Variants in DIP2A observed in about 807,000 individuals in gnomAD.
DIP2A encodes disco-interacting protein 2 homolog A.
DIP2A carries 85 observed loss-of-function variants against 177.4 expected under a neutral mutation model. That is an observed-to-expected ratio of 0.48 (90% CI 0.40 to 0.57). The LOEUF is 0.57. Among genes scored for constraint, DIP2A ranks in the 20% least tolerant of loss-of-function variants. The pLI, the probability that DIP2A is intolerant of heterozygous loss-of-function variation, is 0.00. For missense variants in DIP2A, 1,791 were observed against 2,100.2 expected, an observed-to-expected ratio of 0.85 and a Z score of 2.88; for synonymous variants, 886 against 881.8, an observed-to-expected ratio of 1.00 and a Z score of -0.08.
chr21:46,564,773 C>T (rs1254925163), intron 35 of DIP2A, among the ~76,000 whole-genome samples: 1 of 152,324 alleles, frequency 6.6e-6, no homozygotes, highest in East Asian at 1.9e-4. Context: ...AGGGTGTGAG[C>T]GTGCGGGCCC....
rs2060509304 is a variant in DIP2A at position 46,557,496 on chromosome 21, G to A, written c.3630-89G>A. 2.1e-6 allele frequency: 3 copies of A among 1,431,878 alleles called. No individual in the cohort carries two copies. Among genetic ancestry groups the A allele is most frequent in the East Asian group, 2.5e-5 (1 of 40,722 alleles). The allele number at this position is 1,431,878 out of a possible 1,614,324, so 88.7% of individuals were successfully genotyped here. A position where few individuals can be genotyped will look rare whatever the true frequency, so the allele number is the denominator to read the frequency against. On this transcript the variant is annotated intron_variant, in intron 30 of 37. Transcript: ENST00000417564. The surrounding 1 kb of genome is among the most constrained non-coding windows in gnomAD (Gnocchi z 6.0). ...CAGAAATCATGCCCCTGTTGTGGCT[G>A]GAAAAGAAGTGTTCTTGAGGAAGGG...
chr21:46,560,971 GGAA>G, intron 33 of DIP2A, 188 bp downstream of exon 33: 1 of 985,378 alleles, frequency 1.0e-6, no homozygotes, highest in Non-Finnish European at 1.2e-6. Flanking sequence ...TGCACCAAGA[GGAA>G]GAGGAGAGCT....
In DIP2A at chr21:46,524,872, C is replaced by CTTTTTTTTTTTTTTTTTTTTTT. The variant is rs3061062; in HGVS notation, c.1103-4209_1103-4188dup. ...TTTCTTTTATGATTTTTGCTTTTTGCTTTTTTTTTTTTTTTTTTTTTTTTT... is the reference window on the plus strand; with the variant it reads ...TTTCTTTTATGATTTTTGCTTTTTGCTTTTTTTTTTTTTTTTTTTTTTTTTTTTTTTTTTTTTTTTTTTTTTT... On this transcript the variant is annotated intron_variant, in intron 8 of 37. Coordinates refer to ENST00000417564, the MANE Select transcript of DIP2A (RefSeq NM_015151.4). Among the ~76,000 whole-genome samples, 10 of 63,398 alleles carry CTTTTTTTTTTTTTTTTTTTTTT rather than the reference C, an allele frequency of 1.6e-4. 3 individuals carry two copies. The highest frequency in any genetic ancestry group is 3.8e-4 in the Admixed American group (2 of 5,220). 41.6% of individuals were successfully genotyped at this position (63,398 alleles called of 152,430 possible).
At chr21:46,499,823 G>A (rs1568978892) in intron 5 of DIP2A, among the ~76,000 whole-genome samples, 1 of 151,960 alleles carries the variant, frequency 6.6e-6, no homozygotes, top group Non-Finnish European at 1.5e-5. Flanking sequence ...GAGGAAGGAA[G>A]AAAAAAAAGT....
rs2056968667 is a variant in DIP2A at position 46,490,772 on chromosome 21, A to G, written c.283+53A>G. 2.7e-6 allele frequency: 4 copies of G among 1,491,706 alleles called. No individual in the cohort carries two copies. The South Asian group carries it at 3.9e-5, about 15-fold the overall frequency. The allele number at this position is 1,491,706 out of a possible 1,614,324, so 92.4% of individuals were successfully genotyped here. On this transcript the variant is annotated intron_variant, in intron 3 of 37. Transcript: ENST00000417564. The stretch of plus-strand genomic sequence containing the variant: ...AGGTGGACGGGCCTGGAGCCCTTGG[A>G]CTCTTGCCATGAAGTCTTCCAGTTA...
chr21:46,545,342 CTGGGT>C (rs1354870705), intron 19 of DIP2A, 69 bp downstream of exon 19: 1 of 1,531,832 alleles, frequency 6.5e-7, no homozygotes, highest in Non-Finnish European at 8.9e-7. Flanking sequence ...CCCAGGTGTG[CTGGGT>C]GCTGGGGGAT....
At chr21:46,485,888 T>C (rs898068357) in intron 2 of DIP2A, among the ~76,000 whole-genome samples, 3 of 151,498 alleles carry the variant, frequency 2.0e-5, no homozygotes, top group Non-Finnish European at 4.4e-5. Flanking sequence ...CTGGCCAACA[T>C]AGGGAAGCCT....
chr21:46,508,357 T>A (rs2058126003), intron 6 of DIP2A, among the ~76,000 whole-genome samples: 1 of 141,988 alleles, frequency 7.0e-6, no homozygotes, highest in Non-Finnish European at 1.5e-5. Flanking sequence ...CAATGACTTT[T>A]TTTTTTTTTT....
chr21:46,499,649 G>A (rs571331915), intron 5 of DIP2A, among the ~76,000 whole-genome samples: 16 of 152,302 alleles, frequency 1.1e-4, no homozygotes, highest in African/African-American at 3.4e-4. Context: ...TGAAAAAAGT[G>A]TAAACCTTTC....
Position 46,539,737 on chromosome 21 carries a change from T to C in DIP2A, c.1922-140T>C, listed in dbSNP as rs759180657. 2.1e-5 allele frequency: 15 copies of C among 731,026 alleles called. No homozygotes were observed. In the East Asian group the frequency reaches 3.6e-4, roughly 18 times the overall value. 45.3% of individuals were successfully genotyped at this position (731,026 alleles called of 1,614,324 possible). ...AGAACATGAAGTCTGAGGGTACCTG[T>C]GAAGGGGCCCCTTCCTTCTGCTGAT... is the stretch of plus-strand genomic sequence containing the variant. On this transcript the variant is annotated intron_variant, in intron 16 of 37. Coordinates refer to ENST00000417564, the MANE Select transcript of DIP2A (RefSeq NM_015151.4).
Position 46,490,684 on chromosome 21 carries a change from G to C in DIP2A, c.248G>C (p.Arg83Pro). The C allele has an allele frequency of 1.3e-6, 2 of 1,588,362 alleles. No individual in the cohort carries two copies. The highest frequency in any genetic ancestry group is 1.7e-6 in the Non-Finnish European group (2 of 1,167,404). ...TAAAPKQQKSRPTASRDERFR... is the reference protein window; with the variant it reads ...TAAAPKQQKSPPTASRDERFR... Reference sequence around the variant, plus strand: ...GCTGCACCCAAGCAGCAGAAGTCTCGGCCCACCGCCTCGAGGGATGAGCGC... The same window carrying C: ...GCTGCACCCAAGCAGCAGAAGTCTCCGCCCACCGCCTCGAGGGATGAGCGC... Residue 83 changes from arginine (R) to proline (P), a missense_variant, in exon 3 of 38, where the codon CGG becomes CCG. Transcript: ENST00000417564.
chr21:46,503,824 C>G (rs535390435), intron 5 of DIP2A, among the ~76,000 whole-genome samples: 1 of 152,204 alleles, frequency 6.6e-6, no homozygotes, highest in East Asian at 1.9e-4. Flanking sequence ...CTCCTGGGTT[C>G]AAGTGATTCT....
chr21:46,507,342 T>C (rs79473032), intron 6 of DIP2A, among the ~76,000 whole-genome samples: 5,509 of 152,346 alleles, frequency 0.036, 145 homozygotes, highest in Middle Eastern at 0.085. Context: ...TTTATAGTTT[T>C]AGTTTTTACA....
intron 6 of DIP2A, 65 bp downstream of exon 6, chr21:46,504,554 C>G: frequency 6.6e-7 from 1 of 1,525,836 alleles, no homozygotes. Flanking sequence ...GGGTATTGAA[C>G]ACAGCTTTAA....
intron 6 of DIP2A, among the ~76,000 whole-genome samples, chr21:46,506,773 T>G (rs2058027272): frequency 7.6e-6 from 1 of 131,088 alleles, no homozygotes; most frequent in Non-Finnish European, 1.7e-5. Flanking sequence ...TCTTTCTTTC[T>G]TTTCTTTTCT....
chr21:46,550,794 G>A, intron 23 of DIP2A, 50 bp downstream of exon 23: 1 of 1,586,790 alleles, frequency 6.3e-7, no homozygotes. Context: ...AGTGGTAACA[G>A]CGGTGCTTGT....
chr21:46,498,826 C>G lies in DIP2A; in HGVS notation c.648C>G (p.Thr216=). Residue 216 remains threonine, a synonymous_variant, in exon 5 of 38, where the codon ACC becomes ACG. Coordinates refer to ENST00000417564, the MANE Select transcript of DIP2A (RefSeq NM_015151.4). This position sits in a 1 kb window ranked among gnomAD's most constrained non-coding sequence, Gnocchi z 4.3. ...TTALAGLEAH[T]HIDLHSAPPD... The stretch of plus-strand genomic sequence containing the variant: ...CACTCGCAGGCCTCGAGGCCCACAC[C>G]CACATAGGTCAGTAATAAGCTGCTG... 6.2e-7 allele frequency: 1 copy of G among 1,612,782 alleles called. No homozygotes were observed. Among genetic ancestry groups the G allele is most frequent in the Non-Finnish European group, 8.5e-7 (1 of 1,179,296 alleles).
intron 8 of DIP2A, among the ~76,000 whole-genome samples, chr21:46,526,050 AG>A (rs547972852): frequency 3.9e-5 from 6 of 151,902 alleles, no homozygotes; most frequent in Middle Eastern, 3.4e-3. Flanking sequence ...CTGGGATTAC[AG>A]GCGCCTGCCA....
At chr21:46,534,475 A>C (rs989377863) in intron 12 of DIP2A, 110 bp from the exon 13 acceptor site, 1 of 1,055,812 alleles carries the variant, frequency 9.5e-7, no homozygotes, top group South Asian at 1.5e-5. Context: ...GCCGATGGTT[A>C]GAGGAGAGAC....
Sources: allele counts gnomAD v4.1 joint callset (sites outside exome capture counted in the v4.1 genomes callset), GRCh38; gene constraint gnomAD v4.1.1; non-coding constraint Gnocchi (gnomAD v3.1); transcripts MANE v1.5; gene names NCBI Gene and HGNC (gene_info 2026-07-23, HGNC 2026-07-21).